PLXNA4: variants seen among roughly 807,000 people sequenced by gnomAD.
PLXNA4 encodes plexin-A4.
PLXNA4 carries 44 observed loss-of-function variants against 191.8 expected under a neutral mutation model. That is an observed-to-expected ratio of 0.23 (90% CI 0.18 to 0.29). PLXNA4 has a LOEUF of 0.29. Ranked by LOEUF, PLXNA4 falls within the 10% of genes least tolerant of loss-of-function variation. The pLI, the probability that PLXNA4 is intolerant of heterozygous loss-of-function variation, is 1.00. For synonymous variants in PLXNA4, 1,082 were observed against 1,009.5 expected (o/e 1.07, Z -1.36); for missense variants, 1,800 against 2,488.8 (o/e 0.72, Z 5.89).
At chr7:132,465,470 G>T in intron 3 of PLXNA4, among the ~76,000 whole-genome samples, 1 of 152,208 alleles carries the variant, frequency 6.6e-6, no homozygotes, top group East Asian at 1.9e-4. Flanking sequence ...TCCAGGGAAA[G>T]GGGACCTTAC....
chr7:132,634,000 G>A (rs869318), intron 2 of PLXNA4, among the ~76,000 whole-genome samples: 1,975 of 151,628 alleles, frequency 0.013, 62 homozygotes, highest in African/African-American at 0.045. Context: ...TATGGCAGAT[G>A]CACCTGACAG....
At chr7:132,210,896 G>A in intron 10 of PLXNA4, 47 bp downstream of exon 10, 1 of 1,583,128 alleles carries the variant, frequency 6.3e-7, no homozygotes, top group Admixed American at 1.7e-5. Context: ...AGTGATGTGG[G>A]TGGGACTGGG....
In PLXNA4 at chr7:132,298,078, C is replaced by G. The variant is rs374277211; in HGVS notation, c.1503+13G>C. The G allele has an allele frequency of 2.0e-5, 33 of 1,614,110 alleles. No individual in the cohort carries two copies. The highest frequency in any genetic ancestry group is 2.6e-5 in the Non-Finnish European group (31 of 1,180,020). Reference sequence around the variant, plus strand: ...TGCAAGACAAATGTCTAGCGGAGCCCGAAGAGCCTTACCTGCCTCTCTGAC... The same window carrying G: ...TGCAAGACAAATGTCTAGCGGAGCCGGAAGAGCCTTACCTGCCTCTCTGAC... On this transcript the variant is annotated intron_variant, in intron 4 of 31. Transcript: ENST00000321063.
At chr7:132,172,781 T>TAATAATA (rs1290346387) in intron 21 of PLXNA4, among the ~76,000 whole-genome samples, 1 of 150,052 alleles carries the variant, frequency 6.7e-6, no homozygotes, top group Non-Finnish European at 1.5e-5. Flanking sequence ...ATAATAATAA[T>TAATAATA]AAAGTTACAT....
chr7:132,310,899 A>C (rs1000398036), intron 3 of PLXNA4, among the ~76,000 whole-genome samples: 3 of 152,200 alleles, frequency 2.0e-5, no homozygotes, highest in Non-Finnish European at 4.4e-5. Context: ...GACAAGGGGC[A>C]GAGGTGCAAC....
intron 3 of PLXNA4, among the ~76,000 whole-genome samples, chr7:132,310,513 ATCTTCC>A (rs1243426497): frequency 6.6e-6 from 1 of 152,226 alleles, no homozygotes; most frequent in Non-Finnish European, 1.5e-5. Context: ...CTCAGAGACT[ATCTTCC>A]AAGCTTACAT....
At chr7:132,302,829 C>T (rs2116528624) in intron 3 of PLXNA4, among the ~76,000 whole-genome samples, 1 of 152,270 alleles carries the variant, frequency 6.6e-6, no homozygotes, top group Admixed American at 6.5e-5. Context: ...GCCACCCCAA[C>T]ACTTGTAACA....
intron 13 of PLXNA4, among the ~76,000 whole-genome samples, chr7:132,194,699 GTGTGTGTGTGTA>G (rs1475342519): frequency 1.3e-5 from 2 of 152,006 alleles, no homozygotes; most frequent in Non-Finnish European, 2.9e-5. Context: ...GGATAATTGA[GTGTGTGTGTGTA>G]TGTGTGTGTA....
intron 1 of PLXNA4, among the ~76,000 whole-genome samples, chr7:132,538,124 G>A (rs1799924942): frequency 1.3e-5 from 2 of 152,200 alleles, no homozygotes; most frequent in South Asian, 2.1e-4. Flanking sequence ...GAGGAGAAAT[G>A]TGTACCAGGC....
chr7:132,299,489 G>A (rs1801227316), intron 3 of PLXNA4, among the ~76,000 whole-genome samples: 1 of 152,062 alleles, frequency 6.6e-6, no homozygotes, highest in Admixed American at 6.5e-5. Flanking sequence ...TCTGATATCA[G>A]GTTATTTTGT....
chr7:132,347,241 C>G (rs2116779724), intron 3 of PLXNA4, among the ~76,000 whole-genome samples: 1 of 152,310 alleles, frequency 6.6e-6, no homozygotes, highest in South Asian at 2.1e-4. Flanking sequence ...AAAGCCAGAC[C>G]TTTCTTCCTT....
At position 132,471,060 on chromosome 7, in the gene PLXNA4, A is replaced by G. The variant is rs145162678; in HGVS notation, c.1371+18232T>C. Among the ~76,000 whole-genome samples, 532 of 152,266 alleles carry G rather than the reference A, an allele frequency of 3.5e-3. 3 individuals are homozygous for G. The highest frequency in any genetic ancestry group is 4.9e-3 in the Non-Finnish European group (336 of 68,032). On this transcript the variant is annotated intron_variant, in intron 3 of 31. Transcript: ENST00000321063. ...GGGGTGGATTTCTCATTAATGGTTT[A>G]GTACCATCCGCTTGGTGCGGTTTTT...
chr7:132,268,691 CT>C (rs1246604749), intron 4 of PLXNA4, among the ~76,000 whole-genome samples: 18 of 152,282 alleles, frequency 1.2e-4, no homozygotes, highest in Non-Finnish European at 1.9e-4. Context: ...TCTCAGACTG[CT>C]GGTGCCTCCA....
intron 5 of PLXNA4, among the ~76,000 whole-genome samples, chr7:132,238,797 A>T (rs915298831): frequency 6.6e-5 from 10 of 151,778 alleles, no homozygotes; most frequent in African/African-American, 2.4e-4. Flanking sequence ...ATCACCAGGG[A>T]TCAACAGAGT....
Position 132,162,169 on chromosome 7 carries a change from C to T in PLXNA4, c.4500+1973G>A, listed in dbSNP as rs767480952. 3.3e-5 allele frequency among the ~76,000 whole-genome samples: 5 copies of T among 152,382 alleles called. No individual in the cohort carries two copies. The South Asian group carries it at 6.2e-4, about 19-fold the overall frequency. The stretch of plus-strand genomic sequence containing the variant: ...ACTCGTCTGCACGCCCTGTGTGCTG[C>T]TGTCCTGCACGATTTCTTGCCATCT... On this transcript the variant is annotated intron_variant, in intron 24 of 31. Transcript: ENST00000321063.
chr7:132,202,364 C>T (rs538487189), intron 12 of PLXNA4, among the ~76,000 whole-genome samples: 2 of 152,270 alleles, frequency 1.3e-5, no homozygotes, highest in Non-Finnish European at 2.9e-5. Flanking sequence ...AAGGGGCTGG[C>T]GAGGACTGAG....
intron 1 of PLXNA4, among the ~76,000 whole-genome samples, chr7:132,540,433 G>A (rs1226850649): frequency 1.3e-5 from 2 of 151,948 alleles, no homozygotes; most frequent in Non-Finnish European, 2.9e-5. Context: ...CCCAAACCTG[G>A]GCTAGATCTC....
intron 25 of PLXNA4, among the ~76,000 whole-genome samples, chr7:132,152,519 T>C (rs1441879992): frequency 6.6e-6 from 1 of 152,204 alleles, no homozygotes; most frequent in Non-Finnish European, 1.5e-5. Flanking sequence ...CAGTGCTTGA[T>C]CCAGCCCTCT....
At chr7:132,592,070 A>G (rs915662795) in intron 2 of PLXNA4, among the ~76,000 whole-genome samples, 1 of 152,194 alleles carries the variant, frequency 6.6e-6, no homozygotes. Context: ...GTGACCCGCC[A>G]GCTCATGAGG....
Sources: gnomAD v4.1 joint callset for allele counts (sites outside exome capture counted in the v4.1 genomes callset) on GRCh38, gnomAD v4.1.1 for gene constraint, MANE v1.5 for transcripts, NCBI Gene and HGNC (gene_info 2026-07-23, HGNC 2026-07-21) for gene names.